The following CCDC7 variants were observed in gnomAD, a reference collection of about 807,000 sequenced individuals.
The protein encoded by CCDC7 is coiled-coil domain containing 7, also known as coiled-coil domain-containing protein 7.
A neutral mutation model predicts 196.9 loss-of-function variants in CCDC7; 183 were observed. The observed-to-expected ratio is 0.93, with a 90% confidence interval of 0.82 to 1.05. The LOEUF (loss-of-function observed/expected upper bound fraction) is 1.05. Among genes scored for constraint, CCDC7 ranks in the 50% least tolerant of loss-of-function variants. The probability of loss-of-function intolerance (pLI) is 0.00; values close to 1 mark genes in which losing one functional copy is unlikely to be tolerated. For missense variants in CCDC7, 1,540 were observed against 1,482.2 expected (o/e 1.04, Z -0.64); for synonymous variants, 525 against 484.6 (o/e 1.08, Z -1.10).
At chr10:32,723,867 T>C (rs2082743116) in intron 25 of CCDC7, among the ~76,000 whole-genome samples, 1 of 152,092 alleles carries the variant, frequency 6.6e-6, no homozygotes, top group Non-Finnish European at 1.5e-5. Flanking sequence ...CATCGCAGGC[T>C]ATCTTTCAGT....
chr10:32,444,907 G>T (rs934262863), upstream of CCDC7, among the ~76,000 whole-genome samples: 1 of 150,016 alleles, frequency 6.7e-6, no homozygotes, highest in Non-Finnish European at 1.5e-5. Context: ...AGGCTGGAGC[G>T]CAATGGCACA....
intron 29 of CCDC7, among the ~76,000 whole-genome samples, chr10:32,786,789 A>G (rs1414817941): frequency 6.6e-6 from 1 of 152,134 alleles, no homozygotes; most frequent in Non-Finnish European, 1.5e-5. Context: ...GAAACCACCT[A>G]CTATATTAAA....
rs748240485 is a variant in CCDC7, at chr10:32,726,717, T to G, written c.2570-17T>G. On this transcript the variant is annotated splice_polypyrimidine_tract_variant and intron_variant, in intron 25 of 41. Coordinates refer to ENST00000639629, the Ensembl canonical transcript of CCDC7. The stretch of plus-strand genomic sequence containing the variant: ...TTAGCGGACTAAATGTATCTCTTTA[T>G]GTGGTTCATTTTGTAGTACCAGATA... 1 of 1,411,268 alleles carries G rather than the reference T, an allele frequency of 7.1e-7. No homozygotes were observed. The highest frequency in any genetic ancestry group is 1.0e-6 in the Non-Finnish European group (1 of 1,002,372). 87.4% of individuals were successfully genotyped at this position (1,411,268 alleles called of 1,614,324 possible).
intron 20 of CCDC7, among the ~76,000 whole-genome samples, chr10:32,658,842 A>G (rs1000962221): frequency 6.6e-6 from 1 of 152,284 alleles, no homozygotes; most frequent in Middle Eastern, 3.4e-3. Flanking sequence ...TTGGTGTATA[A>G]TTGTTCATAA....
chr10:32,833,842 G>A (rs1246995027), intron 32 of CCDC7, among the ~76,000 whole-genome samples: 2 of 151,952 alleles, frequency 1.3e-5, no homozygotes, highest in Non-Finnish European at 2.9e-5. Flanking sequence ...TTTATTCATG[G>A]ACTCAACCAT....
intron 1 of CCDC7, among the ~76,000 whole-genome samples, chr10:32,452,806 T>C (rs2033422286): frequency 6.6e-6 from 1 of 152,202 alleles, no homozygotes; most frequent in Admixed American, 6.5e-5. Context: ...TCTGAGTTTC[T>C]ATTTTTTTCA....
Position 32,559,189 on chromosome 10 carries a change from C to T in CCDC7, c.1135-6369C>T, listed in dbSNP as rs545927484. ...GAAGCTCGAACTGGGTGGAGCCCAC[C>T]ACAGCTCAAGGAGGCCTGCCTGCCT... On this transcript the variant is annotated intron_variant, in intron 13 of 41. Coordinates refer to ENST00000639629, the Ensembl canonical transcript of CCDC7. Among the ~76,000 whole-genome samples the T allele has an allele frequency of 1.6e-3, 242 of 152,368 alleles. 1 individual carries two copies. Among genetic ancestry groups the T allele is most frequent in the Non-Finnish European group, 2.8e-3 (188 of 68,028 alleles).
intron 20 of CCDC7, among the ~76,000 whole-genome samples, chr10:32,639,591 C>A (rs1476629305): frequency 6.7e-6 from 1 of 149,872 alleles, no homozygotes; most frequent in African/African-American, 2.4e-5. Flanking sequence ...TTTGATTGCA[C>A]TGTGGTCTGA....
chr10:32,577,465 A>T (rs780098449), intron 16 of CCDC7, among the ~76,000 whole-genome samples: 1 of 152,200 alleles, frequency 6.6e-6, no homozygotes, highest in Non-Finnish European at 1.5e-5. Context: ...AATTCAGTCA[A>T]TCTGAGGAGA....
chr10:32,804,949 ACACC>A, intron 29 of CCDC7, 62 bp from the exon 31 acceptor site: 1 of 912,602 alleles, frequency 1.1e-6, no homozygotes, highest in South Asian at 1.4e-5. Flanking sequence ...ACACACACAC[ACACC>A]CCTCACATTC....
At chr10:32,797,223 ATAT>A (rs1456567283) in intron 29 of CCDC7, among the ~76,000 whole-genome samples, 1 of 111,194 alleles carries the variant, frequency 9.0e-6, no homozygotes, top group African/African-American at 4.4e-5. Flanking sequence ...ACACACACAC[ATAT>A]ATATGTGTAT....
At chr10:32,623,431 T>A (rs1019916515) in intron 18 of CCDC7, among the ~76,000 whole-genome samples, 23 of 152,188 alleles carry the variant, frequency 1.5e-4, no homozygotes, top group Admixed American at 9.2e-4. Context: ...TGCCATTTTT[T>A]AATATATTTT....
chr10:32,460,935 C>T (rs1349146667), intron 3 of CCDC7, among the ~76,000 whole-genome samples: 1 of 152,104 alleles, frequency 6.6e-6, no homozygotes, highest in Non-Finnish European at 1.5e-5. Context: ...TTTTGAACCA[C>T]AGATCTAGAG....
chr10:32,757,435 A>G (rs1413502757), intron 28 of CCDC7, among the ~76,000 whole-genome samples: 1 of 152,376 alleles, frequency 6.6e-6, no homozygotes, highest in East Asian at 1.9e-4. Context: ...ACCAGAACTC[A>G]GGATTAAGAA....
At chr10:32,726,215 C>T (rs2083095542) in intron 25 of CCDC7, among the ~76,000 whole-genome samples, 1 of 151,896 alleles carries the variant, frequency 6.6e-6, no homozygotes, top group African/African-American at 2.4e-5. Context: ...CTAGAAATCC[C>T]TCCATGTTAG....
chr10:32,709,621 G>A (rs1472202973), intron 24 of CCDC7, among the ~76,000 whole-genome samples: 1 of 152,038 alleles, frequency 6.6e-6, no homozygotes, highest in Non-Finnish European at 1.5e-5. Context: ...TGAATGATGG[G>A]GAGCAGTTGA....
rs144952070 is a variant in CCDC7, at chr10:32,561,586, T to C, written c.1135-3972T>C. On this transcript the variant is annotated intron_variant, in intron 13 of 41. Coordinates refer to ENST00000639629, the Ensembl canonical transcript of CCDC7. ...AACGAAATGAAGGCAGAGATAAAGA[T>C]GTTCTTTGAAACCAATGAGAACAAA... 7.1e-3 allele frequency among the ~76,000 whole-genome samples: 1,087 copies of C among 152,294 alleles called. 63 individuals are homozygous for C. The East Asian group carries it at 0.16, about 22-fold the overall frequency.
At chr10:32,658,653 T>C (rs1047735742) in intron 20 of CCDC7, among the ~76,000 whole-genome samples, 5 of 152,174 alleles carry the variant, frequency 3.3e-5, no homozygotes, top group African/African-American at 7.2e-5. Context: ...GCTGTATATA[T>C]ACACAACGAA....
At chr10:32,836,340 G>A (rs533289691) in intron 33 of CCDC7, among the ~76,000 whole-genome samples, 3 of 152,186 alleles carry the variant, frequency 2.0e-5, no homozygotes, top group African/African-American at 7.2e-5. Flanking sequence ...CAAACAGCAA[G>A]TTTTAAAATA....
Sources: gnomAD v4.1 joint callset for allele counts (sites outside exome capture counted in the v4.1 genomes callset) on GRCh38, gnomAD v4.1.1 for gene constraint, MANE v1.5 for transcripts, NCBI Gene and HGNC (gene_info 2026-07-23, HGNC 2026-07-21) for gene names.